RAP1GAP2: variants seen among roughly 807,000 people sequenced by gnomAD.
RAP1GAP2 encodes rap1 GTPase-activating protein 2.
In RAP1GAP2, 27 loss-of-function variants were observed where a neutral mutation model predicts 95.0. The ratio of observed to expected loss-of-function variants is 0.28; its 90% CI spans 0.21 to 0.39. The LOEUF is 0.39. RAP1GAP2 is among the 10% of genes least tolerant of loss of function. The pLI is 1.00. For synonymous variants in RAP1GAP2, 373 were observed against 380.9 expected, an observed-to-expected ratio of 0.98 and a Z score of 0.24; for missense variants, 771 against 970.0, an observed-to-expected ratio of 0.79 and a Z score of 2.72.
chr17:3,006,173 C>A (rs2046327508), intron 16 of RAP1GAP2, 132 bp downstream of exon 16: 2 of 755,694 alleles, frequency 2.6e-6, no homozygotes, highest in Middle Eastern at 3.7e-4. Context: ...GTTACCCAGG[C>A]TGGAGTGCAG....
chr17:3,026,856 G>A, intron 21 of RAP1GAP2, 88 bp from the exon 22 acceptor site: 1 of 1,475,988 alleles, frequency 6.8e-7, no homozygotes, highest in Non-Finnish European at 9.1e-7. Context: ...GGCAGCGGCT[G>A]TCCTGGGCTT....
intron 12 of RAP1GAP2, 90 bp downstream of exon 12, chr17:2,991,487 A>T: frequency 2.1e-6 from 2 of 956,876 alleles, no homozygotes; most frequent in Middle Eastern, 3.0e-4. Context: ...AGCACGTGTG[A>T]GTTAAAAACA....
chr17:2,818,140 T>A (rs1317204243), intron 2 of RAP1GAP2, among the ~76,000 whole-genome samples: 2 of 151,918 alleles, frequency 1.3e-5, no homozygotes, highest in Non-Finnish European at 2.9e-5. Context: ...CCGGCCTCTA[T>A]GTTTAATTTT....
rs1043179416 is a variant in RAP1GAP2 at position 3,029,305 on chromosome 17, T to TTA, written c.2108-1615_2108-1614dup. On this transcript the variant is annotated intron_variant, in intron 22 of 24. Transcript: ENST00000254695. The surrounding 1 kb of genome is among the most constrained non-coding windows in gnomAD (Gnocchi z 4.4). The stretch of plus-strand genomic sequence containing the variant: ...AGGGACCTGGAGCGGGTCTGGTGAC[T>TTA]TATGGCCGGTGCTTCCCACACCACA... Among the ~76,000 whole-genome samples, 29 of 152,282 alleles carry TTA rather than the reference T, an allele frequency of 1.9e-4. No homozygotes were observed. The highest frequency in any genetic ancestry group is 7.0e-4 in the African/African-American group (29 of 41,574).
At chr17:2,759,637 G>T (rs2071208341) in intron 1 of RAP1GAP2, among the ~76,000 whole-genome samples, 1 of 152,078 alleles carries the variant, frequency 6.6e-6, no homozygotes, top group African/African-American at 2.4e-5. Context: ...TTTTAGTAGA[G>T]ATGGGGTTTC....
intron 2 of RAP1GAP2, among the ~76,000 whole-genome samples, chr17:2,874,413 C>T (rs572108845): frequency 6.6e-6 from 1 of 152,212 alleles, no homozygotes; most frequent in Non-Finnish European, 1.5e-5. Flanking sequence ...GCTTTTAGGT[C>T]CTCCTCACCT....
chr17:2,946,982 T>A (rs2043720145), intron 3 of RAP1GAP2, among the ~76,000 whole-genome samples: 1 of 152,202 alleles, frequency 6.6e-6, no homozygotes, highest in South Asian at 2.1e-4. Context: ...CTTGAACGCC[T>A]GACCCCAGGT....
At chr17:3,014,857 G>A (rs1401917467) in intron 17 of RAP1GAP2, among the ~76,000 whole-genome samples, 2 of 152,098 alleles carry the variant, frequency 1.3e-5, no homozygotes, top group Non-Finnish European at 2.9e-5. Flanking sequence ...GCCCCTGGCC[G>A]AGATGCTGAG....
rs1247250952 is a variant in RAP1GAP2 at position 3,008,976 on chromosome 17, C to G, written c.1494+831C>G. Among the ~76,000 whole-genome samples, 1 of 152,154 alleles carries G rather than the reference C, an allele frequency of 6.6e-6. No individual in the cohort carries two copies. Among genetic ancestry groups the G allele is most frequent in the African/African-American group, 2.4e-5 (1 of 41,416 alleles). On this transcript the variant is annotated intron_variant, in intron 17 of 24. Transcript: ENST00000254695. The surrounding 1 kb of genome is among the most constrained non-coding windows in gnomAD (Gnocchi z 4.2). Reference sequence around the variant, plus strand: ...GAGCCTCATTTCAAACGCAGGTCTTCTGATTCTTAGGTCCGTGTGCTGCTG... The same window carrying G: ...GAGCCTCATTTCAAACGCAGGTCTTGTGATTCTTAGGTCCGTGTGCTGCTG...
intron 2 of RAP1GAP2, among the ~76,000 whole-genome samples, chr17:2,813,107 T>G (rs2069844532): frequency 6.7e-6 from 1 of 150,336 alleles, no homozygotes; most frequent in Non-Finnish European, 1.5e-5. Flanking sequence ...AGTCTCGCCC[T>G]GTCGCCCAGG....
At chr17:2,960,848 T>G (rs764510412) in intron 4 of RAP1GAP2, among the ~76,000 whole-genome samples, 2 of 152,216 alleles carry the variant, frequency 1.3e-5, no homozygotes, top group African/African-American at 2.4e-5. Flanking sequence ...TCACCCGATT[T>G]TCTCAGATAG....
rs146130265 is a variant in RAP1GAP2, at chr17:2,788,485, C to T, written c.-14+11207C>T. ...TTTTTTTTTGTATTTTTAGTAGAGA[C>T]GTGGGTTTCACCATGTTGATCACAC... On this transcript the variant is annotated intron_variant, in intron 1 of 24. Coordinates refer to the RAP1GAP2 transcript ENST00000540393. Among the ~76,000 whole-genome samples, 836 of 152,046 alleles carry T rather than the reference C, an allele frequency of 5.5e-3. 7 individuals carry two copies. Among genetic ancestry groups the T allele is most frequent in the African/African-American group, 0.019 (790 of 41,472 alleles).
At chr17:2,781,650 GTGC>G (rs1297096233) in intron 1 of RAP1GAP2, among the ~76,000 whole-genome samples, 1,700 of 136,166 alleles carry the variant, frequency 0.012, 48 homozygotes, top group African/African-American at 0.019. Flanking sequence ...GTCTCTGTGT[GTGC>G]AGGTCTCTGT....
chr17:2,929,625 C>T (rs1446024493), intron 3 of RAP1GAP2, among the ~76,000 whole-genome samples: 3 of 152,210 alleles, frequency 2.0e-5, no homozygotes, highest in Non-Finnish European at 4.4e-5. Context: ...CTCATGCTTG[C>T]CCTCTTCCGT....
chr17:2,755,837 C>T (rs1344746513), intron 1 of RAP1GAP2: 2 of 342,788 alleles, frequency 5.8e-6, no homozygotes, highest in Non-Finnish European at 1.1e-5. Context: ...GCGCGGGAAG[C>T]AGCGGGGCGC....
In RAP1GAP2 at chr17:3,035,065, C is replaced by T. The variant is rs532872533; in HGVS notation, c.*1704C>T. 1.3e-5 allele frequency: 2 copies of T among 152,240 alleles called. No individual in the cohort carries two copies. Among genetic ancestry groups the T allele is most frequent in the South Asian group, 4.2e-4 (2 of 4,812 alleles). 9.4% of individuals were successfully genotyped at this position (152,240 alleles called of 1,614,324 possible). A position where few individuals can be genotyped will look rare whatever the true frequency, so the allele number is the denominator to read the frequency against. On this transcript the variant is annotated 3_prime_UTR_variant, in exon 25 of 25. Coordinates refer to ENST00000254695, the MANE Select transcript of RAP1GAP2 (RefSeq NM_015085.5). This position sits in a 1 kb window ranked among gnomAD's most constrained non-coding sequence, Gnocchi z 4.3. ...ACATTGTGATCTTTCTTCCCCGCCACGTGTGTGGGAATGATTGAGTCCTGT... is the reference window on the plus strand; with the variant it reads ...ACATTGTGATCTTTCTTCCCCGCCATGTGTGTGGGAATGATTGAGTCCTGT...
rs528393458 is a variant in RAP1GAP2, at chr17:2,777,680, A to G, written c.-14+402A>G. On this transcript the variant is annotated intron_variant, in intron 1 of 24. Transcript: ENST00000540393. The stretch of plus-strand genomic sequence containing the variant: ...TCATTTGTTTTCTATAGCTCCCCCT[A>G]CATGCTTGTTAACAAACCTGAAGGG... Among the ~76,000 whole-genome samples the G allele has an allele frequency of 3.3e-5, 5 of 152,246 alleles. No homozygotes were observed. The South Asian group carries it at 1.0e-3, about 32-fold the overall frequency.
At chr17:2,756,754 G>A (rs2071155370) in intron 1 of RAP1GAP2, among the ~76,000 whole-genome samples, 1 of 152,082 alleles carries the variant, frequency 6.6e-6, no homozygotes, top group African/African-American at 2.4e-5. Context: ...AGCACCTCCC[G>A]TGGCTCTGGA....
At chr17:2,775,076 C>T (rs2068469610), upstream of RAP1GAP2, among the ~76,000 whole-genome samples, 1 of 151,128 alleles carries the variant, frequency 6.6e-6, no homozygotes, top group South Asian at 2.1e-4. Context: ...AAATGATCCA[C>T]CCGCCTCAGC....
Sources: allele counts gnomAD v4.1 joint callset (sites outside exome capture counted in the v4.1 genomes callset), GRCh38; gene constraint gnomAD v4.1.1; non-coding constraint Gnocchi (gnomAD v3.1); transcripts MANE v1.5; gene names NCBI Gene and HGNC (gene_info 2026-07-23, HGNC 2026-07-21).